Variants in GAPVD1 observed in about 807,000 individuals in gnomAD.
GAPVD1 encodes the protein GTPase activating protein and VPS9 domains 1.
GAPVD1 carries 35 observed loss-of-function variants against 155.5 expected under a neutral mutation model. That is an observed-to-expected ratio of 0.23 (90% confidence interval 0.17 to 0.30). The LOEUF (loss-of-function observed/expected upper bound fraction) is 0.30. GAPVD1 is among the 10% of genes least tolerant of loss of function. The probability of loss-of-function intolerance (pLI) is 1.00; values close to 1 mark genes in which losing one functional copy is unlikely to be tolerated. For missense variants in GAPVD1, 1,429 were observed against 1,775.7 expected, an observed-to-expected ratio of 0.80 and a Z score of 3.51; for synonymous variants, 636 against 619.7, an observed-to-expected ratio of 1.03 and a Z score of -0.39.
In GAPVD1 at chr9:125,341,158, C is replaced by T. The variant is rs1847802065; in HGVS notation, c.2878-19C>T. ...TCCTGCTATCCAACTCCAAATAAAG[C>T]CTCCAACTTTTTCTACAGACTGAAG... On this transcript the variant is annotated intron_variant, in intron 17 of 27. Transcript: ENST00000297933. The T allele has an allele frequency of 7.7e-7, 1 of 1,301,704 alleles. No homozygotes were observed. The highest frequency in any genetic ancestry group is 1.1e-6 in the Non-Finnish European group (1 of 894,268). 80.6% of individuals were successfully genotyped at this position (1,301,704 alleles called of 1,614,324 possible).
intron 12 of GAPVD1, 33 bp from the exon 13 acceptor site, chr9:125,330,041 ATCTT>A: frequency 1.3e-6 from 2 of 1,540,876 alleles, no homozygotes; most frequent in Non-Finnish European, 1.8e-6. Flanking sequence ...TTCCTCCAGG[ATCTT>A]TGTTAACCCT....
chr9:125,331,207 T>G (rs1846020195), intron 13 of GAPVD1, among the ~76,000 whole-genome samples: 1 of 150,702 alleles, frequency 6.6e-6, no homozygotes, highest in Non-Finnish European at 1.5e-5. Flanking sequence ...TTTTATAATT[T>G]TTTTTTTTTT....
intron 25 of GAPVD1, 93 bp downstream of exon 25, chr9:125,355,950 T>C: frequency 1.4e-6 from 1 of 718,800 alleles, no homozygotes; most frequent in South Asian, 1.6e-5. Flanking sequence ...TAACTTAGTG[T>C]CTGATTGTAA....
At position 125,307,852 on chromosome 9, in the gene GAPVD1, A is replaced by C. The variant is rs1419935280; in HGVS notation, c.1413A>C (p.Pro471=). ...NTPQLSPATT[P]ANKKNRLPIA... ...CTCAGCTATCTCCAGCAACCACTCCAGCAAATAAAAAGAATCGATTACCTA... is the reference window on the plus strand; with the variant it reads ...CTCAGCTATCTCCAGCAACCACTCCCGCAAATAAAAAGAATCGATTACCTA... Residue 471 remains proline, a synonymous_variant, in exon 8 of 28, where the codon CCA becomes CCC. Coordinates refer to ENST00000297933, the MANE Select transcript of GAPVD1 (RefSeq NM_001282680.3). 3 of 1,612,066 alleles carry C rather than the reference A, an allele frequency of 1.9e-6. No individual in the cohort carries two copies. In the East Asian group the frequency reaches 6.7e-5, roughly 36 times the overall value.
At chr9:125,330,622 T>C (rs145238794) in intron 13 of GAPVD1, among the ~76,000 whole-genome samples, 3 of 152,324 alleles carry the variant, frequency 2.0e-5, no homozygotes, top group African/African-American at 7.2e-5. Context: ...CAGCCAGTTA[T>C]ACATTTGACA....
intron 25 of GAPVD1, among the ~76,000 whole-genome samples, chr9:125,358,959 A>G (rs556240951): frequency 6.6e-6 from 1 of 152,344 alleles, no homozygotes; most frequent in South Asian, 2.1e-4. Flanking sequence ...AGCTTAGGCA[A>G]GCCTTTTCCC....
chr9:125,278,500 G>C (rs186050700), intron 2 of GAPVD1, among the ~76,000 whole-genome samples: 111 of 151,814 alleles, frequency 7.3e-4, no homozygotes, highest in African/African-American at 2.7e-3. Flanking sequence ...CAGCCTGGGC[G>C]ACAGAGCGAG....
intron 5 of GAPVD1, 145 bp from the exon 6 acceptor site, chr9:125,304,918 A>G (rs191583579): frequency 4.2e-6 from 2 of 471,640 alleles, no homozygotes; most frequent in East Asian, 6.5e-5. Context: ...TTTGGGGGAT[A>G]CTATTTCATA....
intron 18 of GAPVD1, 197 bp from the exon 19 acceptor site, chr9:125,342,022 A>C: frequency 4.0e-6 from 2 of 505,346 alleles, no homozygotes; most frequent in South Asian, 5.4e-5. Flanking sequence ...CCTATGACAG[A>C]TGACTCCGAA....
intron 2 of GAPVD1, among the ~76,000 whole-genome samples, chr9:125,288,593 T>G (rs1281847895): frequency 6.6e-6 from 1 of 151,694 alleles, no homozygotes; most frequent in African/African-American, 2.4e-5. Flanking sequence ...CCCAGGGTGG[T>G]CTTGAATTCT....
At position 125,280,014 on chromosome 9, in the gene GAPVD1, C is replaced by T. The variant is rs188049072; in HGVS notation, c.-150+11030C>T. Among the ~76,000 whole-genome samples, 131 of 151,628 alleles carry T rather than the reference C, an allele frequency of 8.6e-4. No individual in the cohort carries two copies. In the East Asian group the frequency reaches 0.024, roughly 28 times the overall value. ...CGACGTCAGGTGATCCACTCAACCT[C>T]GGCCTCCCAAAGTGCTGGGATTACA... On this transcript the variant is annotated intron_variant, in intron 2 of 27. Transcript: ENST00000297933.
rs1436653257 is a variant in GAPVD1, at chr9:125,280,376, A to G, written c.-150+11392A>G. Among the ~76,000 whole-genome samples, 3 of 147,004 alleles carry G rather than the reference A, an allele frequency of 2.0e-5. No homozygotes were observed. The East Asian group carries it at 6.2e-4, about 30-fold the overall frequency. ...GCGCCATTGCGCTCCAGCTTGGGCAACAAGAGCAAAAGTCCATCTCAAAAA... is the reference window on the plus strand; with the variant it reads ...GCGCCATTGCGCTCCAGCTTGGGCAGCAAGAGCAAAAGTCCATCTCAAAAA... On this transcript the variant is annotated intron_variant, in intron 2 of 27. Transcript: ENST00000297933.
In GAPVD1 at chr9:125,299,820, A is replaced by G. The variant is rs1470497182; in HGVS notation, c.185+714A>G. ...TGGATCACGAGGTCAGGAGTTCAAG[A>G]CCAGCCAGGCCAAGATGATGAAACC... On this transcript the variant is annotated intron_variant, in intron 4 of 27. Coordinates refer to ENST00000297933, the MANE Select transcript of GAPVD1 (RefSeq NM_001282680.3). 1.9e-4 allele frequency among the ~76,000 whole-genome samples: 28 copies of G among 148,840 alleles called. No homozygotes were observed. In the Admixed American group the frequency reaches 1.9e-3, roughly 10 times the overall value.
intron 2 of GAPVD1, among the ~76,000 whole-genome samples, chr9:125,273,554 G>A (rs1226121764): frequency 6.6e-6 from 1 of 150,890 alleles, no homozygotes; most frequent in Admixed American, 6.6e-5. Context: ...TTATTGTATG[G>A]ATGTTATACT....
In GAPVD1 at chr9:125,354,850, A is replaced by C. The variant is rs1284513515; in HGVS notation, c.3757+9A>C. Reference sequence around the variant, plus strand: ...CAGGGAATTCATTCAAGGTAACTCAATACCTTTAGTTTAAGCATCTCTTCA... The same window carrying C: ...CAGGGAATTCATTCAAGGTAACTCACTACCTTTAGTTTAAGCATCTCTTCA... On this transcript the variant is annotated intron_variant, in intron 24 of 27. Coordinates refer to ENST00000297933, the MANE Select transcript of GAPVD1 (RefSeq NM_001282680.3). 1 of 1,573,412 alleles carries C rather than the reference A, an allele frequency of 6.4e-7. No homozygotes were observed. The highest frequency in any genetic ancestry group is 8.8e-7 in the Non-Finnish European group (1 of 1,142,824).
chr9:125,348,314 C>T (rs182349260), intron 20 of GAPVD1, among the ~76,000 whole-genome samples: 208 of 151,816 alleles, frequency 1.4e-3, no homozygotes, highest in South Asian at 4.6e-3. Flanking sequence ...AAATTATTTC[C>T]GAAGAATAAG....
chr9:125,355,894 C>T (rs1399940534), intron 25 of GAPVD1, 37 bp downstream of exon 25: 1 of 1,126,984 alleles, frequency 8.9e-7, no homozygotes, highest in Non-Finnish European at 1.4e-6. Context: ...TGTGGAACTA[C>T]ATAGGGATCT....
At chr9:125,294,181 C>T (rs1043559155) in intron 2 of GAPVD1, among the ~76,000 whole-genome samples, 1 of 151,796 alleles carries the variant, frequency 6.6e-6, no homozygotes, top group African/African-American at 2.4e-5. Context: ...GCTGGGATTA[C>T]AGGCGTGAGC....
chr9:125,349,737 G>A (rs559740178), intron 21 of GAPVD1, among the ~76,000 whole-genome samples: 5 of 151,978 alleles, frequency 3.3e-5, no homozygotes, highest in African/African-American at 9.7e-5. Flanking sequence ...GGTGGCTCAC[G>A]CCTGTAATCC....
Sources: allele counts gnomAD v4.1 joint callset (sites outside exome capture counted in the v4.1 genomes callset), GRCh38; gene constraint gnomAD v4.1.1; transcripts MANE v1.5; gene names NCBI Gene and HGNC (gene_info 2026-07-23, HGNC 2026-07-21).